The following GPC5 variants were observed in gnomAD, a reference collection of about 807,000 sequenced individuals.
The protein encoded by GPC5 is glypican-5.
A neutral mutation model predicts 53.9 loss-of-function variants in GPC5; 47 were observed. That is an observed-to-expected ratio of 0.87 (90% CI 0.69 to 1.11). The LOEUF is 1.11. Ranked by LOEUF, GPC5 falls within the 50% of genes most tolerant of loss-of-function variation. The probability of loss-of-function intolerance (pLI) is 0.00; values close to 1 mark genes in which losing one functional copy is unlikely to be tolerated. For synonymous variants in GPC5, 286 were observed against 263.3 expected (o/e 1.09, Z -0.84); for missense variants, 748 against 713.1 (o/e 1.05, Z -0.56).
At chr13:92,435,195 A>G (rs988903948) in intron 7 of GPC5, among the ~76,000 whole-genome samples, 10 of 152,184 alleles carry the variant, frequency 6.6e-5, no homozygotes, top group African/African-American at 2.2e-4. Flanking sequence ...GATTACAGGC[A>G]TGAGCCACTG....
chr13:91,738,377 C>A (rs1004979358), intron 4 of GPC5, among the ~76,000 whole-genome samples: 3 of 151,300 alleles, frequency 2.0e-5, no homozygotes, highest in Non-Finnish European at 4.4e-5. Context: ...CATGGTTATG[C>A]CTCACCATAA....
intron 2 of GPC5, among the ~76,000 whole-genome samples, chr13:91,573,354 A>G (rs2032009719): frequency 6.6e-6 from 1 of 152,196 alleles, no homozygotes. Context: ...ATACGCATAC[A>G]TGCAACTTGC....
At chr13:92,479,989 G>T (rs1879288799) in intron 7 of GPC5, among the ~76,000 whole-genome samples, 1 of 152,084 alleles carries the variant, frequency 6.6e-6, no homozygotes, top group Non-Finnish European at 1.5e-5. Context: ...ATAATCATCA[G>T]AAAGAATACA....
At chr13:92,496,765 C>T (rs946447911) in intron 7 of GPC5, among the ~76,000 whole-genome samples, 1 of 152,154 alleles carries the variant, frequency 6.6e-6, no homozygotes, top group Non-Finnish European at 1.5e-5. Context: ...CCCTCTCAGT[C>T]ATTTGTTACT....
At chr13:92,106,483 C>T (rs1051506315) in intron 6 of GPC5, among the ~76,000 whole-genome samples, 44 of 152,088 alleles carry the variant, frequency 2.9e-4, no homozygotes, top group African/African-American at 1.1e-3. Flanking sequence ...TTGAACTTTT[C>T]ACTCACGAAA....
intron 7 of GPC5, among the ~76,000 whole-genome samples, chr13:92,344,868 T>C (rs760421964): frequency 2.6e-5 from 4 of 152,162 alleles, no homozygotes; most frequent in African/African-American, 9.7e-5. Flanking sequence ...GACTGAAGTT[T>C]GGTCTTTTTT....
intron 7 of GPC5, among the ~76,000 whole-genome samples, chr13:92,516,461 C>CTAAAATGAATTCCTTTATCAG (rs1449296229): frequency 6.6e-6 from 1 of 152,036 alleles, no homozygotes; most frequent in Non-Finnish European, 1.5e-5. Context: ...GTCAAAATGG[C>CTAAAATGAATTCCTTTATCAG]TAAAATGAAT....
intron 7 of GPC5, among the ~76,000 whole-genome samples, chr13:92,838,468 G>A (rs962630467): frequency 6.7e-6 from 1 of 149,216 alleles, no homozygotes; most frequent in African/African-American, 2.5e-5. Flanking sequence ...GGGCTACAGA[G>A]TGAGACTCCG....
intron 7 of GPC5, among the ~76,000 whole-genome samples, chr13:92,631,106 A>G (rs1176354471): frequency 2.6e-5 from 4 of 152,144 alleles, no homozygotes; most frequent in African/African-American, 4.8e-5. Flanking sequence ...TCATAAACTC[A>G]TAAGATCTTT....
intron 7 of GPC5, among the ~76,000 whole-genome samples, chr13:92,421,698 C>CAAAAAAAAAAAAAAAAAAAAAAAAAAAAA (rs34055682): frequency 1.0e-4 from 7 of 69,484 alleles, no homozygotes; most frequent in East Asian, 4.5e-4. Flanking sequence ...GACTCCGTCT[C>CAAAAAAAAAAAAAAAAAAAAAAAAAAAAA]AAAAAAAAAA....
At chr13:92,709,888 A>AGCT (rs1199523884) in intron 7 of GPC5, among the ~76,000 whole-genome samples, 6 of 152,202 alleles carry the variant, frequency 3.9e-5, no homozygotes, top group African/African-American at 1.4e-4. Context: ...TCTTGGCCAT[A>AGCT]GCTCCTCTTC....
rs867871509 is a variant in GPC5 at position 92,361,437 on chromosome 13, G to T, written c.1561+216448G>T. 3.3e-5 allele frequency among the ~76,000 whole-genome samples: 5 copies of T among 151,728 alleles called. No homozygotes were observed. The South Asian group carries it at 8.3e-4, about 25-fold the overall frequency. The stretch of plus-strand genomic sequence containing the variant: ...AGTTAAATTCTAAAGTCTTTAAGTT[G>T]CTTTAAGATATATGGATCTAGATTT... On this transcript the variant is annotated intron_variant, in intron 7 of 7. Coordinates refer to ENST00000377067, the MANE Select transcript of GPC5 (RefSeq NM_004466.6).
chr13:91,793,742 G>T (rs2990006), intron 5 of GPC5, among the ~76,000 whole-genome samples: 54,617 of 151,906 alleles, frequency 0.36, 11,135 homozygotes, highest in African/African-American at 0.56. Flanking sequence ...CAAAGGAGAA[G>T]TAGGCACCTT....
intron 1 of GPC5, among the ~76,000 whole-genome samples, chr13:91,431,037 A>T (rs1879408900): frequency 6.6e-6 from 1 of 151,976 alleles, no homozygotes; most frequent in African/African-American, 2.4e-5. Context: ...ACCATGCCTG[A>T]CTAATTTTTC....
chr13:91,492,915 C>G (rs1233243053), intron 2 of GPC5, among the ~76,000 whole-genome samples: 1 of 152,170 alleles, frequency 6.6e-6, no homozygotes, highest in Non-Finnish European at 1.5e-5. Flanking sequence ...TTAAGTATAG[C>G]AACCTGCTAT....
At chr13:91,814,743 G>A (rs1200148588) in intron 5 of GPC5, among the ~76,000 whole-genome samples, 5 of 151,984 alleles carry the variant, frequency 3.3e-5, no homozygotes, top group Non-Finnish European at 5.9e-5. Flanking sequence ...TTTTCACCAT[G>A]TTGGCCAGGC....
At chr13:92,664,720 C>A (rs9516111) in intron 7 of GPC5, among the ~76,000 whole-genome samples, 46,581 of 152,000 alleles carry the variant, frequency 0.31, 9,153 homozygotes, top group Non-Finnish European at 0.45. Context: ...CATGCTAATG[C>A]ACTACCTGTG....
intron 7 of GPC5, among the ~76,000 whole-genome samples, chr13:92,520,296 T>C (rs1235114610): frequency 2.6e-5 from 4 of 152,192 alleles, no homozygotes; most frequent in African/African-American, 9.6e-5. Flanking sequence ...AGCATCATCC[T>C]GATACCAAAG....
intron 7 of GPC5, among the ~76,000 whole-genome samples, chr13:92,478,387 G>C (rs752032042): frequency 6.6e-6 from 1 of 152,070 alleles, no homozygotes; most frequent in Non-Finnish European, 1.5e-5. Flanking sequence ...TTTGAGTCTT[G>C]GGGATTTAGA....
Sources: gnomAD v4.1 joint callset for allele counts (sites outside exome capture counted in the v4.1 genomes callset) on GRCh38, gnomAD v4.1.1 for gene constraint, MANE v1.5 for transcripts, NCBI Gene and HGNC (gene_info 2026-07-23, HGNC 2026-07-21) for gene names.